MYH9: variants seen among roughly 807,000 people sequenced by gnomAD.
MYH9 encodes myosin heavy chain 9.
Under a neutral mutation model 241.9 loss-of-function variants are expected in MYH9, and 29 were observed. The observed-to-expected ratio is 0.12, with a 90% CI of 0.09 to 0.16. The LOEUF is 0.16. MYH9 is among the 10% of genes least tolerant of loss of function. MYH9 has a pLI of 1.00. For missense variants in MYH9, 1,803 were observed against 2,595.5 expected (o/e 0.69, Z 6.63); for synonymous variants, 1,047 against 1,062.6 (o/e 0.99, Z 0.29).
At chr22:36,286,543 G>C (rs1805994293) in intron 35 of MYH9, among the ~76,000 whole-genome samples, 175 bp downstream of exon 35, 1 of 152,226 alleles carries the variant, frequency 6.6e-6, no homozygotes, top group South Asian at 2.1e-4. Context: ...GATCATACGA[G>C]GGAGCCCCGC....
At chr22:36,317,494 C>G (rs981666902) in intron 11 of MYH9, among the ~76,000 whole-genome samples, 7 of 152,184 alleles carry the variant, frequency 4.6e-5, no homozygotes, top group African/African-American at 1.7e-4. Flanking sequence ...CTTTTGAAAA[C>G]AACAGTCTTG....
intron 1 of MYH9, among the ~76,000 whole-genome samples, chr22:36,378,259 G>C (rs1374954596): frequency 2.0e-5 from 3 of 152,150 alleles, no homozygotes; most frequent in Non-Finnish European, 2.9e-5. Flanking sequence ...GGGCAACAGA[G>C]CAAGACGCTG....
intron 3 of MYH9, among the ~76,000 whole-genome samples, chr22:36,333,595 T>C (rs1057366540): frequency 2.0e-5 from 3 of 152,196 alleles, no homozygotes; most frequent in Admixed American, 6.5e-5. Context: ...CTAAACAAAT[T>C]TGACAGAAGC....
At chr22:36,331,206 C>A (rs1383851154) in intron 3 of MYH9, among the ~76,000 whole-genome samples, 3 of 152,108 alleles carry the variant, frequency 2.0e-5, no homozygotes, top group Non-Finnish European at 4.4e-5. Context: ...GAAGGGACTG[C>A]TCTGAGGATG....
intron 2 of MYH9, 24 bp from the exon 3 acceptor site, chr22:36,341,550 G>T: frequency 6.2e-7 from 1 of 1,612,164 alleles, no homozygotes. Context: ...CGGCAGATAG[G>T]AACAGGTTAG....
chr22:36,360,364 C>T (rs1422702303), intron 1 of MYH9, among the ~76,000 whole-genome samples: 1 of 152,048 alleles, frequency 6.6e-6, no homozygotes, highest in African/African-American at 2.4e-5. Context: ...CCCTATGGCC[C>T]TCTTGCAATC....
At position 36,288,140 on chromosome 22, in the gene MYH9, C is replaced by T. The variant is rs1287050946; in HGVS notation, c.4932+112G>A. The T allele has an allele frequency of 4.4e-6, 6 of 1,352,990 alleles. No homozygotes were observed. In the African/African-American group the frequency reaches 7.1e-5, roughly 16 times the overall value. The allele number at this position is 1,352,990 out of a possible 1,614,324, so 83.8% of individuals were successfully genotyped here. On this transcript the variant is annotated intron_variant, in intron 34 of 40. Coordinates refer to ENST00000216181, the MANE Select transcript of MYH9 (RefSeq NM_002473.6). This position sits in a 1 kb window ranked among gnomAD's most constrained non-coding sequence, Gnocchi z 4.8. ...GGGCTGGAAGCACCCAGGACCTTCC[C>T]AGGAGGTGCCACCCTGCCAGGTTCC...
chr22:36,341,653 G>A, intron 2 of MYH9, 127 bp from the exon 3 acceptor site: 2 of 1,069,976 alleles, frequency 1.9e-6, no homozygotes, highest in Middle Eastern at 4.9e-4. Flanking sequence ...GGCACTCCCT[G>A]ATGGCCCTTG....
intron 3 of MYH9, among the ~76,000 whole-genome samples, chr22:36,337,076 C>A (rs769789466): frequency 1.7e-4 from 25 of 151,506 alleles, no homozygotes; most frequent in Non-Finnish European, 3.1e-4. Flanking sequence ...CAGGCAGCCA[C>A]TACTGATCGA....
At chr22:36,286,694 G>A (rs761899114) in intron 35 of MYH9, 24 bp downstream of exon 35, 54 of 1,609,884 alleles carry the variant, frequency 3.4e-5, no homozygotes, top group South Asian at 2.2e-5. Context: ...CAGCGGTGCC[G>A]CTCTCCATTG....
At chr22:36,347,620 A>T (rs2017697188) in intron 2 of MYH9, among the ~76,000 whole-genome samples, 1 of 151,946 alleles carries the variant, frequency 6.6e-6, no homozygotes, top group Admixed American at 6.6e-5. Context: ...CTGTAGTCCC[A>T]GCCACCAGAG....
In MYH9 at chr22:36,285,008, GC is replaced by G; in HGVS notation, c.5483+112del. ...GGCCCCATCAGGAGGGAGGGAAACA[GC>G]CCCAGGCTCAGGAGACAGAGAGCTG... On this transcript the variant is annotated intron_variant, in intron 38 of 40. Coordinates refer to ENST00000216181, the MANE Select transcript of MYH9 (RefSeq NM_002473.6). This position sits in a 1 kb window ranked among gnomAD's most constrained non-coding sequence, Gnocchi z 7.0. 2.9e-6 allele frequency: 3 copies of G among 1,020,102 alleles called. No homozygotes were observed. The highest frequency in any genetic ancestry group is 2.9e-6 in the Non-Finnish European group (2 of 684,066). 63.2% of individuals were successfully genotyped at this position (1,020,102 alleles called of 1,614,324 possible). A position where few individuals can be genotyped will look rare whatever the true frequency, so the allele number is the denominator to read the frequency against.
intron 1 of MYH9, among the ~76,000 whole-genome samples, chr22:36,387,499 C>T (rs982586401): frequency 6.6e-6 from 1 of 151,930 alleles, no homozygotes; most frequent in African/African-American, 2.4e-5. Context: ...GAGGTCGGCT[C>T]CAGTGCCCAG....
In MYH9 at chr22:36,295,775, T is replaced by G. The variant is rs971649142; in HGVS notation, c.3273-58A>C. The G allele has an allele frequency of 5.3e-6, 8 of 1,519,156 alleles. No individual in the cohort carries two copies. In the African/African-American group the frequency reaches 8.2e-5, roughly 16 times the overall value. 94.1% of individuals were successfully genotyped at this position (1,519,156 alleles called of 1,614,324 possible). On this transcript the variant is annotated intron_variant, in intron 25 of 40. Coordinates refer to ENST00000216181, the MANE Select transcript of MYH9 (RefSeq NM_002473.6). This position sits in a 1 kb window ranked among gnomAD's most constrained non-coding sequence, Gnocchi z 4.1. ...AGAGTTTCACCTCCAAGGAGCAGAG[T>G]TTGCAGGACAGGCCTGAGAGAGCTG... is the stretch of plus-strand genomic sequence containing the variant.
At chr22:36,334,362 C>A (rs1395542761) in intron 3 of MYH9, among the ~76,000 whole-genome samples, 1 of 152,204 alleles carries the variant, frequency 6.6e-6, no homozygotes. Flanking sequence ...GTCTGGTCCA[C>A]CAGCATCCCA....
intron 27 of MYH9, 64 bp from the exon 28 acceptor site, chr22:36,294,362 A>G: frequency 1.9e-6 from 3 of 1,542,654 alleles, no homozygotes; most frequent in Non-Finnish European, 1.8e-6. Flanking sequence ...CTGGTCTATC[A>G]TCACTGGACC....
chr22:36,322,388 G>GCCCT, intron 6 of MYH9, 41 bp downstream of exon 6: 1 of 1,599,184 alleles, frequency 6.3e-7, no homozygotes, highest in Non-Finnish European at 8.6e-7. Context: ...TCCGGGCAAG[G>GCCCT]CCCTCTGTCC....
At chr22:36,321,098 GC>G (rs905255381) in intron 7 of MYH9, among the ~76,000 whole-genome samples, 9 of 152,026 alleles carry the variant, frequency 5.9e-5, no homozygotes, top group Non-Finnish European at 1.3e-4. Context: ...GATTACAGGC[GC>G]CCACCACCAC....
chr22:36,374,817 A>G (rs993904142), intron 1 of MYH9, among the ~76,000 whole-genome samples: 2 of 152,188 alleles, frequency 1.3e-5, no homozygotes, highest in Non-Finnish European at 2.9e-5. Flanking sequence ...CACCAGCCCC[A>G]GGTGACTCAC....
Sources: allele counts gnomAD v4.1 joint callset (sites outside exome capture counted in the v4.1 genomes callset), GRCh38; gene constraint gnomAD v4.1.1; non-coding constraint Gnocchi (gnomAD v3.1); transcripts MANE v1.5; gene names NCBI Gene and HGNC (gene_info 2026-07-23, HGNC 2026-07-21).